The following IGSF5 variants were observed in gnomAD, a reference collection of about 807,000 sequenced individuals.
IGSF5 encodes immunoglobulin superfamily 5 like.
Under a neutral mutation model 39.4 loss-of-function variants are expected in IGSF5, and 41 were observed. The observed-to-expected ratio is 1.04, with a 90% CI of 0.81 to 1.35. The LOEUF is 1.35. Ranked by LOEUF, IGSF5 falls within the 40% of genes most tolerant of loss-of-function variation. The probability of loss-of-function intolerance (pLI) is 0.00; values close to 1 mark genes in which losing one functional copy is unlikely to be tolerated. For synonymous variants in IGSF5, 183 were observed against 175.3 expected, an observed-to-expected ratio of 1.04 and a Z score of -0.34; for missense variants, 487 against 494.6, an observed-to-expected ratio of 0.98 and a Z score of 0.15.
chr21:39,760,603 A>T (rs917218101), intron 2 of IGSF5, among the ~76,000 whole-genome samples: 4 of 151,390 alleles, frequency 2.6e-5, no homozygotes, highest in African/African-American at 9.7e-5. Context: ...ACGGAGTCTC[A>T]CTCTGTCGTC....
At chr21:39,729,421 G>A in the IGSF5 span, 1 of 152,296 alleles carries the variant, frequency 6.6e-6, no homozygotes, top group Non-Finnish European at 1.5e-5. Context: ...TAAAATGTAG[G>A]GATGCGGTTG....
At chr21:39,748,941 G>C (rs1470495491) in intron 2 of IGSF5, among the ~76,000 whole-genome samples, 1 of 152,094 alleles carries the variant, frequency 6.6e-6, no homozygotes, top group Non-Finnish European at 1.5e-5. Flanking sequence ...ACAAGTGTCT[G>C]GTTATTGTAT....
chr21:39,781,920 A>T (rs1348044168), intron 5 of IGSF5, among the ~76,000 whole-genome samples: 1 of 151,994 alleles, frequency 6.6e-6, no homozygotes, highest in Non-Finnish European at 1.5e-5. Flanking sequence ...GAGTCATAGG[A>T]AGTATTTCCT....
At chr21:39,749,299 G>A (rs576563318) in intron 2 of IGSF5, among the ~76,000 whole-genome samples, 3 of 149,610 alleles carry the variant, frequency 2.0e-5, no homozygotes, top group African/African-American at 7.4e-5. Context: ...TGCAACCTCC[G>A]CCTCCTGGGC....
Position 39,771,220 on chromosome 21 carries a change from G to A in IGSF5, c.718+5G>A. ...CTGTGATTCGGTGTCCCCAAGGTAA[G>A]TGAAGACATTCTGCTTTATATGAAA... is the stretch of plus-strand genomic sequence containing the variant. On this transcript the variant is annotated splice_donor_5th_base_variant and intron_variant, in intron 4 of 8. Transcript: ENST00000380588. 1 of 1,544,950 alleles carries A rather than the reference G, an allele frequency of 6.5e-7. No homozygotes were observed.
Position 39,746,216 on chromosome 21 carries a change from G to A in IGSF5, c.18G>A (p.Arg6=), listed in dbSNP as rs768999676. The part of the protein sequence containing the change: MGQKE[R]STADTLPDLE... ...GGCAATGGGCGCCTCACTGGATCAG[G>A]AGCACAGCAGATACTCTGCCGGATC... is the stretch of plus-strand genomic sequence containing the variant. Residue 6 remains arginine (R), a splice_region_variant and synonymous_variant, in exon 2 of 9, where the codon AGG becomes AGA. Coordinates refer to ENST00000380588, the MANE Select transcript of IGSF5 (RefSeq NM_001080444.2). The A allele has an allele frequency of 2.7e-5, 19 of 701,764 alleles. No individual in the cohort carries two copies. Among genetic ancestry groups the A allele is most frequent in the Non-Finnish European group, 5.2e-6 (2 of 384,776 alleles). 43.5% of individuals were successfully genotyped at this position (701,764 alleles called of 1,614,324 possible). A position where few individuals can be genotyped will look rare whatever the true frequency, so the allele number is the denominator to read the frequency against.
chr21:39,763,768 G>T (rs921686751), intron 2 of IGSF5, among the ~76,000 whole-genome samples: 1 of 152,076 alleles, frequency 6.6e-6, no homozygotes, highest in African/African-American at 2.4e-5. Flanking sequence ...ATTACATCAC[G>T]GACCCTCGGG....
chr21:39,767,480 C>T (rs1440496553), intron 3 of IGSF5, among the ~76,000 whole-genome samples: 1 of 152,190 alleles, frequency 6.6e-6, no homozygotes, highest in Non-Finnish European at 1.5e-5. Flanking sequence ...GACACAATTA[C>T]TTAATGACTT....
In IGSF5 at chr21:39,793,663, ATTC is replaced by A. The variant is rs768378887; in HGVS notation, c.1128+53_1128+55del. 6 of 1,426,498 alleles carry A rather than the reference ATTC, an allele frequency of 4.2e-6. No homozygotes were observed. In the South Asian group the frequency reaches 7.0e-5, roughly 17 times the overall value. The allele number at this position is 1,426,498 out of a possible 1,614,324, so 88.4% of individuals were successfully genotyped here. The stretch of plus-strand genomic sequence containing the variant: ...TTTGGACTTTTTTGGCTATTTAAAA[ATTC>A]TTACCTTGTTGTGGGTGATTATAAA... On this transcript the variant is annotated intron_variant, in intron 8 of 8. Transcript: ENST00000380588.
chr21:39,776,635 T>G (rs2080142716), intron 4 of IGSF5, among the ~76,000 whole-genome samples: 1 of 152,146 alleles, frequency 6.6e-6, no homozygotes, highest in Admixed American at 6.5e-5. Flanking sequence ...ATGCATTCTC[T>G]GAAAATAAGG....
upstream of IGSF5, among the ~76,000 whole-genome samples, chr21:39,740,926 C>A (rs2079945907): frequency 6.6e-6 from 1 of 152,114 alleles, no homozygotes; most frequent in African/African-American, 2.4e-5. Flanking sequence ...GATTTCTTCC[C>A]TGTATTATTT....
intron 5 of IGSF5, among the ~76,000 whole-genome samples, chr21:39,787,916 G>A (rs2837217): frequency 0.053 from 8,125 of 152,136 alleles, 700 homozygotes; most frequent in African/African-American, 0.19. Context: ...CTGAAATATA[G>A]TAAGTACTAT....
In IGSF5 at chr21:39,775,748, C is replaced by T. The variant is rs1031910401; in HGVS notation, c.719-3342C>T. Among the ~76,000 whole-genome samples, 3 of 152,182 alleles carry T rather than the reference C, an allele frequency of 2.0e-5. No individual in the cohort carries two copies. The East Asian group carries it at 5.8e-4, about 29-fold the overall frequency. On this transcript the variant is annotated intron_variant, in intron 4 of 8. Transcript: ENST00000380588. ...GTGGGTTACTCAGGTATAGTATACT[C>T]ATCCTCTCCAGCAAACCTGCCATTC...
chr21:39,789,555 C>T (rs2086948401), intron 6 of IGSF5, among the ~76,000 whole-genome samples: 1 of 152,012 alleles, frequency 6.6e-6, no homozygotes, highest in South Asian at 2.1e-4. Context: ...GTCCATGGTG[C>T]TCACTCCAGC....
At chr21:39,735,383 A>G in the IGSF5 span, among the ~76,000 whole-genome samples, 2 of 152,182 alleles carry the variant, frequency 1.3e-5, no homozygotes, top group South Asian at 4.1e-4. Context: ...GTGCTACTGA[A>G]ATTACAAATA....
At chr21:39,732,507 T>C in the IGSF5 span, among the ~76,000 whole-genome samples, 1 of 152,212 alleles carries the variant, frequency 6.6e-6, no homozygotes, top group East Asian at 1.9e-4. Context: ...TGCAAATTCT[T>C]AGATATAGGG....
rs570953962 is a variant in IGSF5 at position 39,796,024 on chromosome 21, C to T, written c.1128+2411C>T. ...GATTATGACCAAAGAAGGACTTTGC[C>T]GTCATGGGCCCAGGCACGGCCTCCA... is the stretch of plus-strand genomic sequence containing the variant. On this transcript the variant is annotated intron_variant, in intron 8 of 8. Transcript: ENST00000380588. 5.3e-5 allele frequency among the ~76,000 whole-genome samples: 8 copies of T among 152,248 alleles called. No individual in the cohort carries two copies. The South Asian group carries it at 6.2e-4, about 12-fold the overall frequency.
chr21:39,789,105 C>A (rs908752146), intron 6 of IGSF5, among the ~76,000 whole-genome samples: 1 of 152,110 alleles, frequency 6.6e-6, no homozygotes, highest in Non-Finnish European at 1.5e-5. Flanking sequence ...GAAAAATAGA[C>A]CCTGATAATT....
intron 4 of IGSF5, among the ~76,000 whole-genome samples, chr21:39,774,433 C>G (rs975651031): frequency 2.0e-5 from 3 of 152,216 alleles, no homozygotes; most frequent in African/African-American, 7.2e-5. Context: ...ATGACGTCAG[C>G]TTTGGAAGCT....
Sources: gnomAD v4.1 joint callset for allele counts (sites outside exome capture counted in the v4.1 genomes callset) on GRCh38, gnomAD v4.1.1 for gene constraint, MANE v1.5 for transcripts, NCBI Gene and HGNC (gene_info 2026-07-23, HGNC 2026-07-21) for gene names.